Variants in RXFP2 observed in about 807,000 individuals in gnomAD.
RXFP2 encodes the protein relaxin receptor 2.
A neutral mutation model predicts 88.6 loss-of-function variants in RXFP2; 68 were observed. That is an observed-to-expected ratio of 0.77 (90% confidence interval 0.63 to 0.94). RXFP2 has a LOEUF of 0.94. Among genes scored for constraint, RXFP2 ranks in the 40% least tolerant of loss-of-function variants. The probability of loss-of-function intolerance (pLI) is 0.00; values close to 1 mark genes in which losing one functional copy is unlikely to be tolerated. For synonymous variants in RXFP2, 329 were observed against 306.8 expected (o/e 1.07, Z -0.76); for missense variants, 791 against 893.9 (o/e 0.88, Z 1.47).
intron 16 of RXFP2, among the ~76,000 whole-genome samples, chr13:31,794,396 A>G (rs1873932547): frequency 6.6e-6 from 1 of 151,276 alleles, no homozygotes; most frequent in African/African-American, 2.4e-5. Context: ...ACACACACAC[A>G]CACACACACA....
intron 13 of RXFP2, among the ~76,000 whole-genome samples, chr13:31,787,611 A>G (rs1410078367): frequency 6.6e-6 from 1 of 152,042 alleles, no homozygotes; most frequent in Non-Finnish European, 1.5e-5. Context: ...ATTCATTTCT[A>G]CTTTTTTTCT....
chr13:31,756,089 T>C (rs534919377), intron 1 of RXFP2, among the ~76,000 whole-genome samples: 110 of 127,498 alleles, frequency 8.6e-4, no homozygotes, highest in Non-Finnish European at 1.5e-3. Flanking sequence ...AAAAGCTTAA[T>C]GTGCATTTGT....
At position 31,760,137 on chromosome 13, in the gene RXFP2, G is replaced by A. The variant is rs148903706; in HGVS notation, c.242-1587G>A. 1.5e-3 allele frequency among the ~76,000 whole-genome samples: 231 copies of A among 152,230 alleles called. 2 individuals are homozygous for A. The highest frequency in any genetic ancestry group is 0.012 in the Admixed American group (178 of 15,276). ...GAGTCTTGCTCTTGTTGCCCAGGAT[G>A]GAGTTCAATGGCGTGATCTCAGCTC... On this transcript the variant is annotated intron_variant, in intron 2 of 17. Transcript: ENST00000298386.
At position 31,778,423 on chromosome 13, in the gene RXFP2, C is replaced by T. The variant is rs143985007; in HGVS notation, c.714-89C>T. The stretch of plus-strand genomic sequence containing the variant: ...TCATCATAAGATATTAATTTTAGCA[C>T]GCAAGTTTTGAAATTTTAAAATAAT... On this transcript the variant is annotated intron_variant, in intron 8 of 17. Coordinates refer to ENST00000298386, the MANE Select transcript of RXFP2 (RefSeq NM_130806.5). The T allele has an allele frequency of 8.7e-4, 774 of 885,402 alleles. 1 individual carries two copies. Among genetic ancestry groups the T allele is most frequent in the Middle Eastern group, 4.0e-3 (12 of 3,026 alleles). The allele number at this position is 885,402 out of a possible 1,614,324, so 54.8% of individuals were successfully genotyped here.
intron 5 of RXFP2, among the ~76,000 whole-genome samples, chr13:31,771,485 C>G (rs916641612): frequency 1.3e-5 from 2 of 152,080 alleles, no homozygotes; most frequent in African/African-American, 4.8e-5. Flanking sequence ...GAAACCATCC[C>G]CCCTCTCCAT....
intron 7 of RXFP2, 107 bp from the exon 8 acceptor site, chr13:31,777,269 G>A (rs1254380853): frequency 4.0e-6 from 3 of 755,910 alleles, no homozygotes; most frequent in African/African-American, 3.5e-5. Flanking sequence ...GGACAGGTGA[G>A]CCAAGTATGG....
intron 13 of RXFP2, among the ~76,000 whole-genome samples, chr13:31,788,120 A>G (rs1334418570): frequency 6.7e-6 from 1 of 148,502 alleles, no homozygotes; most frequent in African/African-American, 2.5e-5. Flanking sequence ...TGTGTAAGTC[A>G]AGGACAGAGC....
chr13:31,760,838 T>A (rs1016007531), intron 2 of RXFP2, among the ~76,000 whole-genome samples: 20 of 152,228 alleles, frequency 1.3e-4, no homozygotes, highest in Admixed American at 1.3e-3. Context: ...CCTCCTTTTT[T>A]AAAAATATGA....
intron 1 of RXFP2, among the ~76,000 whole-genome samples, chr13:31,740,371 C>T (rs200473439): frequency 2.6e-5 from 4 of 151,996 alleles, no homozygotes; most frequent in Admixed American, 6.6e-5. Context: ...TAAAAAGATA[C>T]GTTGTCAGCC....
At chr13:31,757,298 C>T (rs2138401742) in intron 1 of RXFP2, among the ~76,000 whole-genome samples, 1 of 152,296 alleles carries the variant, frequency 6.6e-6, no homozygotes, top group South Asian at 2.1e-4. Flanking sequence ...TTCAAAGCCA[C>T]CCTGTGTCAC....
rs552426900 is a variant in RXFP2 at position 31,771,800 on chromosome 13, A to AAG, written c.498-2819_498-2818insGA. ...GAGCGTAACTCTGTCTTAAAAAAAA[A>AAG]AAAGAAAGAAAGAAAGAAAAAAGAA... On this transcript the variant is annotated intron_variant, in intron 5 of 17. Coordinates refer to ENST00000298386, the MANE Select transcript of RXFP2 (RefSeq NM_130806.5). 1.2e-3 allele frequency among the ~76,000 whole-genome samples: 182 copies of AAG among 151,726 alleles called. 3 individuals carry two copies. The highest frequency in any genetic ancestry group is 9.9e-3 in the Admixed American group (151 of 15,228).
intron 17 of RXFP2, among the ~76,000 whole-genome samples, chr13:31,800,036 G>A (rs1245452135): frequency 6.6e-6 from 1 of 152,184 alleles, no homozygotes; most frequent in Non-Finnish European, 1.5e-5. Context: ...TTCTTTACAT[G>A]TATAGTTCAA....
Position 31,797,231 on chromosome 13 carries a change from T to C in RXFP2, c.1817T>C (p.Val606Ala). Reference sequence around the variant, plus strand: ...AACTTGCTGGCTTTTCTCATCATTGTGTTTTCCTATATTACTATGTTCTGT... The same window carrying C: ...AACTTGCTGGCTTTTCTCATCATTGCGTTTTCCTATATTACTATGTTCTGT... Reference protein sequence around the residue: ...GVNLLAFLIIVFSYITMFCSI... With the variant: ...GVNLLAFLIIAFSYITMFCSI... Residue 606 changes from valine (V) to alanine (A), a missense_variant, in exon 17 of 18, where the codon GTG becomes GCG. Transcript: ENST00000298386. 1 of 1,613,812 alleles carries C rather than the reference T, an allele frequency of 6.2e-7. No homozygotes were observed. The highest frequency in any genetic ancestry group is 8.5e-7 in the Non-Finnish European group (1 of 1,179,666).
In RXFP2 at chr13:31,793,088, G is replaced by C. The variant is rs912910758; in HGVS notation, c.1786G>C (p.Gly596Arg). 2.0e-5 allele frequency: 32 copies of C among 1,606,080 alleles called. No individual in the cohort carries two copies. The highest frequency in any genetic ancestry group is 5.0e-5 in the Admixed American group (3 of 59,778). The change falls in exon 16 of 18, where the codon GGT (glycine) becomes CGT (arginine). Residue 596 changes from glycine to arginine, a missense_variant and splice_region_variant. Coordinates refer to ENST00000298386, the MANE Select transcript of RXFP2 (RefSeq NM_130806.5). ...SKGYSLGIFLGVNLLAFLIIV... is the reference protein window; with the variant it reads ...SKGYSLGIFLRVNLLAFLIIV... The stretch of plus-strand genomic sequence containing the variant: ...AGGGTATTCTCTTGGAATTTTCCTA[G>C]GTAAATTATATTTTTTCATTTCCTG...
At chr13:31,784,129 G>C (rs947765731) in intron 11 of RXFP2, among the ~76,000 whole-genome samples, 2 of 151,802 alleles carry the variant, frequency 1.3e-5, no homozygotes, top group Non-Finnish European at 2.9e-5. Flanking sequence ...GCCCAACCCA[G>C]AGGGGTATTT....
chr13:31,743,771 C>T (rs757242565), intron 1 of RXFP2, among the ~76,000 whole-genome samples: 8 of 152,056 alleles, frequency 5.3e-5, no homozygotes, highest in Non-Finnish European at 1.2e-4. Context: ...TATCTTCTTG[C>T]TGTCCTCACC....
At chr13:31,776,233 T>C (rs2138432230) in intron 7 of RXFP2, among the ~76,000 whole-genome samples, 1 of 147,608 alleles carries the variant, frequency 6.8e-6, no homozygotes, top group African/African-American at 2.5e-5. Context: ...TGCCTTCCTT[T>C]TTTCCTTCCC....
chr13:31,786,910 CA>C (rs1169335601), intron 13 of RXFP2, among the ~76,000 whole-genome samples: 1 of 152,200 alleles, frequency 6.6e-6, no homozygotes, highest in African/African-American at 2.4e-5. Context: ...ACAGTTTTCA[CA>C]AAGAATTAAA....
chr13:31,744,175 T>G (rs1027735992), intron 1 of RXFP2, among the ~76,000 whole-genome samples: 2 of 152,190 alleles, frequency 1.3e-5, no homozygotes, highest in African/African-American at 4.8e-5. Flanking sequence ...CAAATGAATA[T>G]TGTATCTCTG....
Sources: allele counts gnomAD v4.1 joint callset (sites outside exome capture counted in the v4.1 genomes callset), GRCh38; gene constraint gnomAD v4.1.1; transcripts MANE v1.5; gene names NCBI Gene and HGNC (gene_info 2026-07-23, HGNC 2026-07-21).